Variants in TOGARAM1 observed in about 807,000 individuals in gnomAD.
TOGARAM1 encodes the protein TOG array regulator of axonemal microtubules 1.
In TOGARAM1, 100 loss-of-function variants were observed where a neutral mutation model predicts 166.6. That is an observed-to-expected ratio of 0.60 (90% CI 0.51 to 0.71). The LOEUF is 0.71. Among genes scored for constraint, TOGARAM1 ranks in the 30% least tolerant of loss-of-function variants. The pLI is 0.00. For synonymous variants in TOGARAM1, 758 were observed against 763.8 expected, an observed-to-expected ratio of 0.99 and a Z score of 0.13; for missense variants, 2,029 against 2,102.7, an observed-to-expected ratio of 0.96 and a Z score of 0.69.
At chr14:44,992,508 A>G (rs750513540) in intron 1 of TOGARAM1, among the ~76,000 whole-genome samples, 3 of 152,168 alleles carry the variant, frequency 2.0e-5, no homozygotes, top group Non-Finnish European at 4.4e-5. Context: ...TTTGCTACCA[A>G]AATAGAATTA....
intron 4 of TOGARAM1, among the ~76,000 whole-genome samples, chr14:45,005,242 T>G (rs552955018): frequency 6.6e-6 from 1 of 152,310 alleles, no homozygotes; most frequent in Admixed American, 6.5e-5. Context: ...TGTTATAAAC[T>G]AAAATATTCT....
intron 1 of TOGARAM1, among the ~76,000 whole-genome samples, chr14:44,976,198 C>A (rs1412643430): frequency 2.0e-5 from 3 of 152,100 alleles, no homozygotes; most frequent in African/African-American, 7.2e-5. Context: ...TCAGTAATAG[C>A]CCCCTTTCCC....
At position 44,964,051 on chromosome 14, in the gene TOGARAM1, G is replaced by A; in HGVS notation, c.1630G>A (p.Gly544Ser). 1 of 1,614,100 alleles carries A rather than the reference G, an allele frequency of 6.2e-7. No homozygotes were observed. Among genetic ancestry groups the A allele is most frequent in the Admixed American group, 1.7e-5 (1 of 60,026 alleles). The change falls in exon 1 of 20, where the codon GGT becomes AGT. Residue 544 changes from glycine (G) to serine (S), a missense_variant. Transcript: ENST00000361462. ...CGTATTGGCATCATCAATGGGCTCAGGTAAAACCAGCATCCTTTTTAAAGC... is the reference window on the plus strand; with the variant it reads ...CGTATTGGCATCATCAATGGGCTCAAGTAAAACCAGCATCCTTTTTAAAGC... ...FAVLASSMGS[G>S]KTSILFKAVD...
intron 8 of TOGARAM1, among the ~76,000 whole-genome samples, chr14:45,026,641 C>G (rs1880857921): frequency 6.6e-6 from 1 of 152,084 alleles, no homozygotes; most frequent in Non-Finnish European, 1.5e-5. Context: ...TCCTTCTTTA[C>G]TTTATACAGA....
intron 8 of TOGARAM1, among the ~76,000 whole-genome samples, chr14:45,026,514 C>T (rs1476566084): frequency 6.6e-6 from 1 of 152,132 alleles, no homozygotes; most frequent in Non-Finnish European, 1.5e-5. Flanking sequence ...CTCTTGTAAA[C>T]TTATTTTCTG....
chr14:45,031,731 A>G (rs930956690), intron 10 of TOGARAM1, among the ~76,000 whole-genome samples: 1 of 152,198 alleles, frequency 6.6e-6, no homozygotes, highest in Admixed American at 6.5e-5. Flanking sequence ...ATAGTTTTGC[A>G]TATAAAAAGT....
At chr14:45,036,090 A>T (rs534224702) in intron 11 of TOGARAM1, among the ~76,000 whole-genome samples, 1 of 147,180 alleles carries the variant, frequency 6.8e-6, no homozygotes, top group African/African-American at 2.5e-5. Context: ...TGATTGTGCC[A>T]CTACACTGCA....
At chr14:44,982,214 A>G (rs1235677673) in intron 1 of TOGARAM1, among the ~76,000 whole-genome samples, 1 of 152,178 alleles carries the variant, frequency 6.6e-6, no homozygotes, top group African/African-American at 2.4e-5. Context: ...ATTATATAAT[A>G]TCGTGGTGTG....
intron 1 of TOGARAM1, among the ~76,000 whole-genome samples, chr14:44,988,067 G>T (rs985552974): frequency 1.4e-5 from 2 of 145,162 alleles, no homozygotes; most frequent in Non-Finnish European, 3.0e-5. Context: ...AGAACACTTG[G>T]ACACAGGAAG....
intron 15 of TOGARAM1, among the ~76,000 whole-genome samples, chr14:45,053,483 G>T (rs1265899944): frequency 3.3e-5 from 5 of 152,090 alleles, no homozygotes; most frequent in African/African-American, 9.7e-5. Context: ...ATTTAATAAA[G>T]TAAAATTTTT....
intron 11 of TOGARAM1, among the ~76,000 whole-genome samples, chr14:45,033,458 A>G (rs999892036): frequency 9.2e-5 from 14 of 152,296 alleles, no homozygotes; most frequent in Admixed American, 8.5e-4. Flanking sequence ...TTAAAACGGT[A>G]TCTAAACAAA....
intron 19 of TOGARAM1, 104 bp from the exon 20 acceptor site, chr14:45,073,192 T>G: frequency 1.7e-6 from 2 of 1,143,964 alleles, no homozygotes; most frequent in Non-Finnish European, 2.4e-6. Context: ...TTAGGACAAA[T>G]TACATAAGGA....
Position 44,995,819 on chromosome 14 carries a change from G to A in TOGARAM1, c.2120G>A (p.Cys707Tyr), listed in dbSNP as rs746062246. Residue 707 changes from cysteine to tyrosine, a missense_variant, in exon 2 of 20, where the codon TGT becomes TAT. Cys to Tyr is a radical substitution (Grantham distance 194). Around this residue, in one of 2 missense-constraint regions of TOGARAM1, gnomAD observed 1,453 missense variants for 1,432.2 expected, o/e 1.01. Transcript: ENST00000361462. ...GGAATGCCAGTCAATGATGATTTAT[G>A]TTTTAGCAGAAAAAGAGTATCAAGA... ...SQGMPVNDDL[C>Y]FSRKRVSRNL... 23 of 1,608,400 alleles carry A rather than the reference G, an allele frequency of 1.4e-5. No individual in the cohort carries two copies. In the South Asian group the frequency reaches 2.6e-4, roughly 18 times the overall value.
At chr14:44,972,050 A>G (rs985427580) in intron 1 of TOGARAM1, among the ~76,000 whole-genome samples, 1 of 152,150 alleles carries the variant, frequency 6.6e-6, no homozygotes, top group African/African-American at 2.4e-5. Flanking sequence ...ACACTTTTAA[A>G]CAACCAGATC....
At chr14:45,005,528 C>T (rs1305968586) in intron 4 of TOGARAM1, among the ~76,000 whole-genome samples, 11 of 152,058 alleles carry the variant, frequency 7.2e-5, no homozygotes, top group Admixed American at 1.3e-4. Context: ...GCGGGAGAAT[C>T]GCTTGAACCC....
chr14:45,023,524 C>T (rs1385209039), intron 7 of TOGARAM1, among the ~76,000 whole-genome samples: 2 of 152,182 alleles, frequency 1.3e-5, no homozygotes, highest in Admixed American at 1.3e-4. Flanking sequence ...GCTACTGCCA[C>T]CACTACCCGT....
intron 10 of TOGARAM1, among the ~76,000 whole-genome samples, chr14:45,031,311 T>C (rs1342591800): frequency 2.0e-5 from 3 of 152,248 alleles, no homozygotes; most frequent in African/African-American, 4.8e-5. Flanking sequence ...TCGCATTATA[T>C]AGTGCTCTCA....
rs750684743 is a variant in TOGARAM1 at position 45,054,465 on chromosome 14, CA to C, written c.4479del (p.Gly1494GlufsTer29). 1 of 1,613,160 alleles carries C rather than the reference CA, an allele frequency of 6.2e-7. No individual in the cohort carries two copies. Among genetic ancestry groups the C allele is most frequent in the Admixed American group, 1.7e-5 (1 of 59,928 alleles). On this transcript the variant is annotated frameshift_variant, in exon 16 of 20. Transcript: ENST00000361462. LOFTEE classifies it high-confidence loss of function. Reference protein sequence around the residue: ...LGEIPLDTPSAKGRRSHTGSV... With the variant: ...LGEIPLDTPSXKGRRSHTGSV... ...GAGATACCATTAGATACTCCTTCAGCAAAAGGAAGACGATCTCATACTGGCA... is the reference window on the plus strand; with the variant it reads ...GAGATACCATTAGATACTCCTTCAGCAAAGGAAGACGATCTCATACTGGCA...
At chr14:45,003,647 T>C (rs1887790776) in intron 3 of TOGARAM1, among the ~76,000 whole-genome samples, 1 of 151,894 alleles carries the variant, frequency 6.6e-6, no homozygotes, top group Non-Finnish European at 1.5e-5. Context: ...GAAAAGCAAA[T>C]AGAAACATGT....
Sources: allele counts gnomAD v4.1 joint callset (sites outside exome capture counted in the v4.1 genomes callset), GRCh38; gene constraint gnomAD v4.1.1; regional missense constraint gnomAD v4.1.1; transcripts MANE v1.5; gene names NCBI Gene and HGNC (gene_info 2026-07-23, HGNC 2026-07-21).